Variants in LINGO1 observed in about 807,000 individuals in gnomAD.
LINGO1 encodes the protein leucine rich repeat and Ig domain containing 1.
LINGO1 carries 11 observed loss-of-function variants against 37.3 expected under a neutral mutation model. The observed-to-expected ratio is 0.29, with a 90% confidence interval of 0.19 to 0.49. The LOEUF is 0.49. Ranked by LOEUF, LINGO1 falls within the 20% of genes least tolerant of loss-of-function variation. The pLI, the probability that LINGO1 is intolerant of heterozygous loss-of-function variation, is 0.99. For missense variants in LINGO1, 585 were observed against 878.2 expected (o/e 0.67, Z 4.22); for synonymous variants, 387 against 403.0 (o/e 0.96, Z 0.48).
At chr15:77,695,987 A>AGGTCACAGGCAC in intron 1 of LINGO1, 1 of 151,996 alleles carries the variant, frequency 6.6e-6, no homozygotes, top group South Asian at 2.1e-4. Context: ...ATTGCAGTCA[A>AGGTCACAGGCAC]GGTCACAGGC....
intron 3 of LINGO1, among the ~76,000 whole-genome samples, chr15:77,639,626 A>G (rs2074460850): frequency 6.6e-6 from 1 of 152,184 alleles, no homozygotes; most frequent in Non-Finnish European, 1.5e-5. Context: ...GCACAATGGA[A>G]TACTATGCAG....
intron 1 of LINGO1, among the ~76,000 whole-genome samples, chr15:77,766,317 A>AC (rs398028047): frequency 6.8e-6 from 1 of 147,554 alleles, no homozygotes; most frequent in African/African-American, 2.5e-5. Context: ...AAAAAAAAAA[A>AC]CACACAAACA....
At chr15:77,647,124 GGTCC>G (rs2074651056) in intron 3 of LINGO1, among the ~76,000 whole-genome samples, 1 of 152,104 alleles carries the variant, frequency 6.6e-6, no homozygotes, top group Non-Finnish European at 1.5e-5. Context: ...GGAGCTCTTT[GGTCC>G]ACTTGCCTAG....
Position 77,673,100 on chromosome 15 carries a change from C to T in LINGO1, c.-13+3989G>A, listed in dbSNP as rs79364862. On this transcript the variant is annotated intron_variant, in intron 3 of 3. Transcript: ENST00000559893. ...AAACCACTTAGATCCCTACCTCAAA[C>T]CACACACAGAAATACATTTCAGATG... Among the ~76,000 whole-genome samples, 1,323 of 152,276 alleles carry T rather than the reference C, an allele frequency of 8.7e-3. 28 individuals carry two copies. Among genetic ancestry groups the T allele is most frequent in the African/African-American group, 0.03 (1,233 of 41,530 alleles).
chr15:77,626,344 G>A (rs1045633850), intron 1 of LINGO1, among the ~76,000 whole-genome samples: 1 of 152,134 alleles, frequency 6.6e-6, no homozygotes, highest in African/African-American at 2.4e-5. Context: ...ACAAACCAAG[G>A]TCCAGTGAGT....
chr15:77,694,150 G>A (rs1205645925), intron 1 of LINGO1, among the ~76,000 whole-genome samples: 2 of 152,108 alleles, frequency 1.3e-5, no homozygotes, highest in African/African-American at 4.8e-5. Context: ...CATGAATCAG[G>A]GCTAGATTGC....
intron 1 of LINGO1, among the ~76,000 whole-genome samples, chr15:77,741,527 T>A (rs937163805): frequency 6.6e-6 from 1 of 152,048 alleles, no homozygotes; most frequent in African/African-American, 2.4e-5. Flanking sequence ...GGCCCCAGCA[T>A]CCCCAAGAGC....
intron 1 of LINGO1, among the ~76,000 whole-genome samples, chr15:77,783,483 T>A (rs1699618197): frequency 6.6e-6 from 1 of 152,072 alleles, no homozygotes; most frequent in Non-Finnish European, 1.5e-5. Flanking sequence ...AGGGAGCAGG[T>A]GGGGCTGACA....
intron 2 of LINGO1, among the ~76,000 whole-genome samples, chr15:77,687,282 T>C (rs921444179): frequency 6.6e-6 from 1 of 152,008 alleles, no homozygotes; most frequent in African/African-American, 2.4e-5. Flanking sequence ...TCAGGGCTCA[T>C]TGTAAAACCA....
At chr15:77,710,685 A>C (rs1392158833) in intron 2 of LINGO1, among the ~76,000 whole-genome samples, 2 of 152,130 alleles carry the variant, frequency 1.3e-5, no homozygotes, top group African/African-American at 2.4e-5. Flanking sequence ...TCGCTGAAGA[A>C]GACTTCACAG....
chr15:77,704,301 G>A (rs2075820896), intron 2 of LINGO1, among the ~76,000 whole-genome samples: 1 of 152,162 alleles, frequency 6.6e-6, no homozygotes, highest in South Asian at 2.1e-4. Flanking sequence ...CCTCCAATCT[G>A]CCCCTGAGGC....
rs536124952 is a variant in LINGO1, at chr15:77,778,404, G to A, written c.-257+8465C>T. Among the ~76,000 whole-genome samples, 77 of 152,292 alleles carry A rather than the reference G, an allele frequency of 5.1e-4. 1 individual carries two copies. The highest frequency in any genetic ancestry group is 3.7e-3 in the South Asian group (18 of 4,826). On this transcript the variant is annotated intron_variant, in intron 1 of 3. Coordinates refer to the LINGO1 transcript ENST00000561686. ...CAGGGTTGCGGGCCTGGATATCATTGAAAGCCACTGTTTTGCCTGCCACAG... is the reference window on the plus strand; with the variant it reads ...CAGGGTTGCGGGCCTGGATATCATTAAAAGCCACTGTTTTGCCTGCCACAG...
At position 77,717,546 on chromosome 15, in the gene LINGO1, G is replaced by A. The variant is rs993721209; in HGVS notation, c.-195+17446C>T. ...AGAGGATCAGAACTGTCCTGCCTGT[G>A]AAAGCACGTTTCCCTCTTGGCAGAG... On this transcript the variant is annotated intron_variant, in intron 2 of 3. Coordinates refer to the LINGO1 transcript ENST00000561686. 1.3e-4 allele frequency among the ~76,000 whole-genome samples: 20 copies of A among 150,926 alleles called. 1 individual carries two copies. The highest frequency in any genetic ancestry group is 6.6e-5 in the Admixed American group (1 of 15,128).
rs55805135 is a variant in LINGO1 at position 77,815,236 on chromosome 15, G to A, written c.-458+5022C>T. 6.4e-3 allele frequency among the ~76,000 whole-genome samples: 973 copies of A among 152,326 alleles called. 5 individuals carry two copies. Among genetic ancestry groups the A allele is most frequent in the Non-Finnish European group, 0.01 (692 of 68,020 alleles). On this transcript the variant is annotated intron_variant, in intron 1 of 5. Transcript: ENST00000562933. The stretch of plus-strand genomic sequence containing the variant: ...CCCCATATGCTCTCCGACAGCTGGA[G>A]TGCTGAAACAACTGCCTAAGGACGT...
Position 77,744,351 on chromosome 15 carries a change from T to G in LINGO1, c.-256-9298A>C, listed in dbSNP as rs140744145. ...GAGTTCAAAACCAGTCTGGGCAACA[T>G]AGTGAAACCCTGTCTCTACTAAAAA... On this transcript the variant is annotated intron_variant, in intron 1 of 3. Coordinates refer to the LINGO1 transcript ENST00000561686. 3.8e-3 allele frequency among the ~76,000 whole-genome samples: 575 copies of G among 152,154 alleles called. 5 individuals carry two copies. The highest frequency in any genetic ancestry group is 0.013 in the African/African-American group (542 of 41,494).
At chr15:77,809,934 G>T (rs961267539) in intron 1 of LINGO1, among the ~76,000 whole-genome samples, 1 of 152,224 alleles carries the variant, frequency 6.6e-6, no homozygotes, top group African/African-American at 2.4e-5. Context: ...GGCGCTGCAG[G>T]GCTGGAGAGC....
intron 1 of LINGO1, among the ~76,000 whole-genome samples, chr15:77,755,510 A>C (rs1359103079): frequency 6.6e-6 from 1 of 152,214 alleles, no homozygotes; most frequent in African/African-American, 2.4e-5. Context: ...CTGACCCCGC[A>C]TTTCTTTATC....
At chr15:77,749,985 TG>T (rs376017448) in intron 1 of LINGO1, among the ~76,000 whole-genome samples, 10 of 152,018 alleles carry the variant, frequency 6.6e-5, no homozygotes, top group African/African-American at 1.9e-4. Context: ...ACTTTACAGG[TG>T]GAGAAAGTGA....
At chr15:77,817,941 T>C (rs1305304237) in intron 1 of LINGO1, among the ~76,000 whole-genome samples, 4 of 152,194 alleles carry the variant, frequency 2.6e-5, no homozygotes, top group African/African-American at 7.2e-5. Flanking sequence ...AAGCTGATAT[T>C]ACCATAGACA....
Sources: gnomAD v4.1 joint callset for allele counts (sites outside exome capture counted in the v4.1 genomes callset) on GRCh38, gnomAD v4.1.1 for gene constraint, MANE v1.5 for transcripts, NCBI Gene and HGNC (gene_info 2026-07-23, HGNC 2026-07-21) for gene names.